PAQR5: variants seen among roughly 807,000 people sequenced by gnomAD.
The protein encoded by PAQR5 is progestin and adipoQ receptor family member 5.
In PAQR5, 20 loss-of-function variants were observed where a neutral mutation model predicts 34.5. That is an observed-to-expected ratio of 0.58 (90% CI 0.41 to 0.84). The LOEUF (loss-of-function observed/expected upper bound fraction) is 0.84, where lower values mean the gene tolerates loss of function less well. Among genes scored for constraint, PAQR5 ranks in the 40% least tolerant of loss-of-function variants. The probability of loss-of-function intolerance (pLI) is 0.00; values close to 1 mark genes in which losing one functional copy is unlikely to be tolerated. For missense variants in PAQR5, 378 were observed against 412.7 expected (o/e 0.92, Z 0.73); for synonymous variants, 131 against 155.6 (o/e 0.84, Z 1.18).
chr15:69,309,686 A>G (rs974939797), intron 1 of PAQR5, among the ~76,000 whole-genome samples: 2 of 151,992 alleles, frequency 1.3e-5, no homozygotes, highest in African/African-American at 4.8e-5. Flanking sequence ...ACATGCATGC[A>G]CTCTGCCCCT....
rs1038357937 is a variant in PAQR5 at position 69,329,463 on chromosome 15, C to CTTTTTT, written c.-276-7858_-276-7853dup. ...TTTTACCTAAATTTATTTTTTCTTT[C>CTTTTTT]TTTTTTTTTTTTTTTTTTTTTTTTT... On this transcript the variant is annotated intron_variant, in intron 1 of 8. Coordinates refer to ENST00000395407, the MANE Select transcript of PAQR5 (RefSeq NM_017705.4). Among the ~76,000 whole-genome samples the CTTTTTT allele has an allele frequency of 2.8e-3, 206 of 73,764 alleles. 7 individuals are homozygous for CTTTTTT. Among genetic ancestry groups the CTTTTTT allele is most frequent in the African/African-American group, 8.0e-3 (140 of 17,516 alleles). 48.4% of individuals were successfully genotyped at this position (73,764 alleles called of 152,430 possible).
At chr15:69,307,449 A>T (rs959050953) in intron 1 of PAQR5, among the ~76,000 whole-genome samples, 1 of 152,008 alleles carries the variant, frequency 6.6e-6, no homozygotes, top group African/African-American at 2.4e-5. Context: ...ATCTCTGGAC[A>T]CCTCAGAGGG....
chr15:69,321,693 T>G (rs1320311172), intron 1 of PAQR5, among the ~76,000 whole-genome samples: 1 of 152,240 alleles, frequency 6.6e-6, no homozygotes, highest in Non-Finnish European at 1.5e-5. Context: ...GCAGTTTTCG[T>G]GAACACAGCG....
intron 2 of PAQR5, among the ~76,000 whole-genome samples, chr15:69,347,482 C>T (rs2054804403): frequency 6.6e-6 from 1 of 152,142 alleles, no homozygotes; most frequent in Admixed American, 6.5e-5. Flanking sequence ...TTTTCTTTCT[C>T]AAAGGGAGGG....
chr15:69,321,347 C>T lies in PAQR5; in HGVS notation c.-276-15994C>T, dbSNP rs547470614. Among the ~76,000 whole-genome samples, 59 of 152,300 alleles carry T rather than the reference C, an allele frequency of 3.9e-4. 1 individual carries two copies. Among genetic ancestry groups the T allele is most frequent in the African/African-American group, 1.4e-3 (57 of 41,578 alleles). ...CTTCCATGCTGGCTCCAGCAATTAT[C>T]AACTCATGGCCGTTTTTTATCTATA... On this transcript the variant is annotated intron_variant, in intron 1 of 8. Transcript: ENST00000395407.
chr15:69,301,288 G>C (rs2053600373), intron 1 of PAQR5, among the ~76,000 whole-genome samples: 1 of 152,054 alleles, frequency 6.6e-6, no homozygotes, highest in African/African-American at 2.4e-5. Context: ...GCAGGCGTGA[G>C]CCACTGCACC....
chr15:69,399,685 G>GTAAA (rs1484619267), intron 7 of PAQR5, among the ~76,000 whole-genome samples: 1 of 152,100 alleles, frequency 6.6e-6, no homozygotes, highest in African/African-American at 2.4e-5. Context: ...ATTCAGTTAA[G>GTAAA]TAAATAAACC....
In PAQR5 at chr15:69,302,820, G is replaced by A. The variant is rs538411028; in HGVS notation, c.-277+3764G>A. Among the ~76,000 whole-genome samples, 4 of 152,290 alleles carry A rather than the reference G, an allele frequency of 2.6e-5. No individual in the cohort carries two copies. In the South Asian group the frequency reaches 8.3e-4, roughly 32 times the overall value. On this transcript the variant is annotated intron_variant, in intron 1 of 8. Coordinates refer to ENST00000395407, the MANE Select transcript of PAQR5 (RefSeq NM_017705.4). The stretch of plus-strand genomic sequence containing the variant: ...GAGAGCTGTCCCTGTACTCACGCAT[G>A]GCCCTGCCCAGTTTCCTGCCACCAT...
intron 5 of PAQR5, among the ~76,000 whole-genome samples, chr15:69,386,577 C>T (rs551325386): frequency 6.6e-6 from 1 of 152,018 alleles, no homozygotes; most frequent in South Asian, 2.1e-4. Flanking sequence ...CCCTCCCTCC[C>T]TCCCGGATTC....
In PAQR5 at chr15:69,385,886, C is replaced by T. The variant is rs564761173; in HGVS notation, c.385+1004C>T. Among the ~76,000 whole-genome samples the T allele has an allele frequency of 2.0e-4, 31 of 151,538 alleles. No homozygotes were observed. Among genetic ancestry groups the T allele is most frequent in the African/African-American group, 7.5e-4 (31 of 41,288 alleles). The stretch of plus-strand genomic sequence containing the variant: ...ACACACACCACATGCCACATGTACT[C>T]ACACATTGACACACACACAATACAC... On this transcript the variant is annotated intron_variant, in intron 5 of 8. Coordinates refer to ENST00000395407, the MANE Select transcript of PAQR5 (RefSeq NM_017705.4). The surrounding 1 kb of genome is among the most constrained non-coding windows in gnomAD (Gnocchi z 4.7).
chr15:69,332,445 T>C (rs184247118), intron 1 of PAQR5, among the ~76,000 whole-genome samples: 4 of 152,266 alleles, frequency 2.6e-5, no homozygotes, highest in Non-Finnish European at 5.9e-5. Context: ...GACAGGAATT[T>C]TGGGGTTCAT....
At chr15:69,387,666 G>A (rs1223152837) in intron 5 of PAQR5, among the ~76,000 whole-genome samples, 1 of 152,178 alleles carries the variant, frequency 6.6e-6, no homozygotes, top group Non-Finnish European at 1.5e-5. Context: ...AGCTGTGCAT[G>A]GCAGAGCCAG....
chr15:69,328,185 C>A (rs16953143), intron 1 of PAQR5, among the ~76,000 whole-genome samples: 5,252 of 152,304 alleles, frequency 0.034, 195 homozygotes, highest in East Asian at 0.15. Context: ...GAATGATATA[C>A]ATCAAGCTAA....
intron 1 of PAQR5, among the ~76,000 whole-genome samples, chr15:69,312,628 G>A (rs867457601): frequency 6.7e-6 from 1 of 150,318 alleles, no homozygotes; most frequent in Middle Eastern, 3.4e-3. Flanking sequence ...CCCTTCTCCT[G>A]TCCAGTCCCC....
chr15:69,322,772 GGGAGAAGAAGAAGACGAGGAA>G (rs2054147562), intron 1 of PAQR5, among the ~76,000 whole-genome samples: 1 of 12,946 alleles, frequency 7.7e-5, no homozygotes, highest in African/African-American at 1.8e-4. Flanking sequence ...AAGAAGAAGA[GGGAGAAGAAGAAGACGAGGAA>G]GAAGAAGAAG....
At chr15:69,376,464 G>A (rs1326210187) in intron 3 of PAQR5, among the ~76,000 whole-genome samples, 1 of 152,218 alleles carries the variant, frequency 6.6e-6, no homozygotes, top group Admixed American at 6.5e-5. Context: ...GCTCAGAGCA[G>A]GAGTGCAACT....
At chr15:69,397,379 C>A in intron 6 of PAQR5, 89 bp from the exon 7 acceptor site, 1 of 863,084 alleles carries the variant, frequency 1.2e-6, no homozygotes, top group Non-Finnish European at 2.0e-6. Context: ...CTGTTGATGA[C>A]CAGGCCCTCG....
At chr15:69,339,425 C>T (rs562588764) in intron 2 of PAQR5, among the ~76,000 whole-genome samples, 40 of 152,108 alleles carry the variant, frequency 2.6e-4, no homozygotes, top group Non-Finnish European at 5.3e-4. Flanking sequence ...CGGCCTTAGT[C>T]CCCCCACAAC....
chr15:69,396,325 G>A (rs555003271), intron 6 of PAQR5, among the ~76,000 whole-genome samples: 2 of 151,858 alleles, frequency 1.3e-5, no homozygotes, highest in South Asian at 4.2e-4. Flanking sequence ...AGGTTCTTGG[G>A]AGCAGAGATA....
Sources: gnomAD v4.1 joint callset for allele counts (sites outside exome capture counted in the v4.1 genomes callset) on GRCh38, gnomAD v4.1.1 for gene constraint, Gnocchi (gnomAD v3.1) non-coding constraint, MANE v1.5 for transcripts, NCBI Gene and HGNC (gene_info 2026-07-23, HGNC 2026-07-21) for gene names.